The following XRCC4 variants were observed in gnomAD, a reference collection of about 807,000 sequenced individuals.
XRCC4 encodes the protein X-ray repair cross complementing 4.
Under a neutral mutation model 39.1 loss-of-function variants are expected in XRCC4, and 28 were observed. The ratio of observed to expected loss-of-function variants is 0.72; its 90% CI spans 0.53 to 0.98. The LOEUF (loss-of-function observed/expected upper bound fraction) is 0.98. Ranked by LOEUF, XRCC4 falls within the 50% of genes least tolerant of loss-of-function variation. The pLI is 0.00. For synonymous variants in XRCC4, 123 were observed against 126.4 expected (o/e 0.97, Z 0.18); for missense variants, 350 against 376.4 (o/e 0.93, Z 0.58).
At chr5:83,146,646 G>A (rs1299626318) in intron 3 of XRCC4, among the ~76,000 whole-genome samples, 2 of 152,154 alleles carry the variant, frequency 1.3e-5, no homozygotes, top group Non-Finnish European at 2.9e-5. Flanking sequence ...CAAGCACCAA[G>A]CATAGTGCCT....
At position 83,146,801 on chromosome 5, in the gene XRCC4, G is replaced by A. The variant is rs1280247115; in HGVS notation, c.315+35598G>A. Among the ~76,000 whole-genome samples, 3 of 152,108 alleles carry A rather than the reference G, an allele frequency of 2.0e-5. No individual in the cohort carries two copies. In the South Asian group the frequency reaches 6.2e-4, roughly 32 times the overall value. ...TTTCCATTATTTCTCTTATTTTTCT[G>A]TATGTTTTCTTTTTCCCCGAGTCCA... On this transcript the variant is annotated intron_variant, in intron 3 of 7. Coordinates refer to ENST00000396027, the MANE Select transcript of XRCC4 (RefSeq NM_003401.5).
chr5:83,151,554 A>C (rs1007555853), intron 3 of XRCC4, among the ~76,000 whole-genome samples: 2 of 152,182 alleles, frequency 1.3e-5, no homozygotes, highest in African/African-American at 4.8e-5. Flanking sequence ...TATAAACCTG[A>C]TGGAAGTGGT....
At chr5:83,254,373 C>A (rs1355613406) in intron 6 of XRCC4, among the ~76,000 whole-genome samples, 3 of 152,124 alleles carry the variant, frequency 2.0e-5, no homozygotes, top group Admixed American at 1.3e-4. Context: ...CATGCCATTA[C>A]AACAAGGCCA....
chr5:83,337,870 GAA>G (rs962629234), intron 7 of XRCC4, among the ~76,000 whole-genome samples: 4 of 152,164 alleles, frequency 2.6e-5, no homozygotes, highest in African/African-American at 9.7e-5. Flanking sequence ...AAGCTTCACA[GAA>G]ACAATGACAT....
rs532456980 is a variant in XRCC4 at position 83,225,335 on chromosome 5, G to T, written c.745+20414G>T. ...CTATCTTCATGATGCGGCTGGGTGT[G>T]GGCATTTACTTTTTACTTTTTCTGT... On this transcript the variant is annotated intron_variant, in intron 6 of 7. Transcript: ENST00000396027. Among the ~76,000 whole-genome samples, 20 of 152,036 alleles carry T rather than the reference G, an allele frequency of 1.3e-4. No homozygotes were observed. In the South Asian group the frequency reaches 3.8e-3, roughly 29 times the overall value.
chr5:83,119,505 G>A (rs1746893626), intron 3 of XRCC4, among the ~76,000 whole-genome samples: 1 of 152,078 alleles, frequency 6.6e-6, no homozygotes, highest in African/African-American at 2.4e-5. Flanking sequence ...TTTATAATTT[G>A]AAAAACAAAA....
In XRCC4 at chr5:83,272,450, G is replaced by A. The variant is rs192432913; in HGVS notation, c.893+13773G>A. ...ACTTTAAGTTCTGGGGTACATGTGC[G>A]GAACATGCAGGTTTGTTACATAGGT... On this transcript the variant is annotated intron_variant, in intron 7 of 7. Transcript: ENST00000396027. Among the ~76,000 whole-genome samples, 31 of 152,078 alleles carry A rather than the reference G, an allele frequency of 2.0e-4. No homozygotes were observed. In the East Asian group the frequency reaches 3.7e-3, roughly 18 times the overall value.
chr5:83,127,366 C>T (rs1254989747), intron 3 of XRCC4, among the ~76,000 whole-genome samples: 3 of 151,998 alleles, frequency 2.0e-5, no homozygotes, highest in Non-Finnish European at 2.9e-5. Context: ...ATTATGGGGG[C>T]AGTTTCCCAC....
chr5:83,185,558 G>A (rs908676753), intron 3 of XRCC4, among the ~76,000 whole-genome samples: 1 of 151,338 alleles, frequency 6.6e-6, no homozygotes, highest in African/African-American at 2.4e-5. Context: ...AAATTTCATG[G>A]GATGTTCTTG....
chr5:83,258,410 A>G, intron 6 of XRCC4, 120 bp from the exon 7 acceptor site: 3 of 1,234,390 alleles, frequency 2.4e-6, no homozygotes, highest in East Asian at 2.5e-5. Context: ...TAAAGATTTG[A>G]AAGAATAGTT....
At chr5:83,148,313 A>G (rs1386160457) in intron 3 of XRCC4, among the ~76,000 whole-genome samples, 1 of 152,038 alleles carries the variant, frequency 6.6e-6, no homozygotes, top group Non-Finnish European at 1.5e-5. Context: ...TCTTCTTTGT[A>G]GTTCCTTCTT....
chr5:83,119,996 C>T (rs1371592401), intron 3 of XRCC4, among the ~76,000 whole-genome samples: 1 of 65,714 alleles, frequency 1.5e-5, no homozygotes, highest in Non-Finnish European at 2.7e-5. Flanking sequence ...GACCTTGTCT[C>T]ACAAAAAAAA....
chr5:83,237,990 T>C (rs1752755348), intron 6 of XRCC4, among the ~76,000 whole-genome samples: 1 of 152,168 alleles, frequency 6.6e-6, no homozygotes, highest in Non-Finnish European at 1.5e-5. Flanking sequence ...AAAATATTCT[T>C]GGAATTAATC....
At chr5:83,084,859 A>G (rs550275050) in intron 1 of XRCC4, among the ~76,000 whole-genome samples, 19 of 152,316 alleles carry the variant, frequency 1.2e-4, no homozygotes, top group Admixed American at 5.9e-4. Flanking sequence ...GTCGCAGCCT[A>G]TAAACTAAAG....
chr5:83,228,158 T>G (rs374126590), intron 6 of XRCC4, among the ~76,000 whole-genome samples: 3 of 152,114 alleles, frequency 2.0e-5, no homozygotes, highest in East Asian at 3.8e-4. Context: ...TTTAAAACTA[T>G]GCATTTCCTT....
intron 6 of XRCC4, among the ~76,000 whole-genome samples, chr5:83,247,199 TG>T (rs1481048055): frequency 2.6e-5 from 4 of 152,192 alleles, no homozygotes; most frequent in African/African-American, 9.7e-5. Flanking sequence ...TCTAAGGATT[TG>T]GGGCTATTGA....
intron 7 of XRCC4, among the ~76,000 whole-genome samples, chr5:83,261,313 T>C (rs73769425): frequency 0.026 from 3,969 of 152,172 alleles, 138 homozygotes; most frequent in African/African-American, 0.082. Flanking sequence ...AGCATGATTT[T>C]TTTCTCTGAC....
intron 1 of XRCC4, among the ~76,000 whole-genome samples, chr5:83,103,025 T>TATATATATATATATATATATACACATAC (rs943955057): frequency 1.4e-5 from 2 of 142,658 alleles, no homozygotes; most frequent in African/African-American, 5.5e-5. Flanking sequence ...TATATATATA[T>TATATATATATATATATATATACACATAC]ATATATGTCA....
intron 7 of XRCC4, among the ~76,000 whole-genome samples, chr5:83,267,323 A>G (rs1330422820): frequency 6.6e-6 from 1 of 152,122 alleles, no homozygotes; most frequent in Non-Finnish European, 1.5e-5. Context: ...AACCCCATCC[A>G]CAGCATCCCC....
Sources: gnomAD v4.1 joint callset for allele counts (sites outside exome capture counted in the v4.1 genomes callset) on GRCh38, gnomAD v4.1.1 for gene constraint, MANE v1.5 for transcripts, NCBI Gene and HGNC (gene_info 2026-07-23, HGNC 2026-07-21) for gene names.